Variants in MYT1L observed in about 807,000 individuals in gnomAD.
MYT1L encodes myelin transcription factor 1 like, also known as myelin transcription factor 1-like protein.
Under a neutral mutation model 126.7 loss-of-function variants are expected in MYT1L, and 12 were observed. The ratio of observed to expected loss-of-function variants is 0.09; its 90% CI spans 0.06 to 0.15. The LOEUF is 0.15. Ranked by LOEUF, MYT1L falls within the 10% of genes least tolerant of loss-of-function variation. The pLI, the probability that MYT1L is intolerant of heterozygous loss-of-function variation, is 1.00. For synonymous variants in MYT1L, 541 were observed against 604.2 expected (o/e 0.90, Z 1.53); for missense variants, 979 against 1,585.2 (o/e 0.62, Z 6.49).
chr2:2,152,988 G>A (rs1005057761), intron 3 of MYT1L, among the ~76,000 whole-genome samples: 3 of 152,122 alleles, frequency 2.0e-5, no homozygotes, highest in African/African-American at 7.2e-5. Flanking sequence ...TACAGATATT[G>A]ATGCCACTGA....
chr2:2,054,463 C>T (rs1417174221), intron 3 of MYT1L, among the ~76,000 whole-genome samples: 1 of 150,964 alleles, frequency 6.6e-6, no homozygotes, highest in East Asian at 2.0e-4. Flanking sequence ...ATCATAGAGA[C>T]GCATGGGGAT....
intron 2 of MYT1L, among the ~76,000 whole-genome samples, chr2:2,272,346 C>T (rs1165503309): frequency 6.6e-6 from 1 of 152,158 alleles, no homozygotes; most frequent in Non-Finnish European, 1.5e-5. Flanking sequence ...GGCAGGCTCT[C>T]CCTGGCCTCA....
At chr2:1,822,800 C>T (rs986781489) in intron 21 of MYT1L, among the ~76,000 whole-genome samples, 4 of 72,390 alleles carry the variant, frequency 5.5e-5, no homozygotes, top group African/African-American at 1.5e-4. Flanking sequence ...GAGCCACTGC[C>T]TCACCAGGGC....
intron 3 of MYT1L, among the ~76,000 whole-genome samples, chr2:2,149,096 T>C (rs977454964): frequency 2.0e-5 from 3 of 152,198 alleles, no homozygotes; most frequent in Admixed American, 6.5e-5. Context: ...CTTCTCTTTC[T>C]TTCCCTCCTT....
At chr2:1,956,546 T>TATC (rs1253751446) in intron 8 of MYT1L, among the ~76,000 whole-genome samples, 1 of 147,312 alleles carries the variant, frequency 6.8e-6, no homozygotes, top group African/African-American at 2.5e-5. Context: ...TCTATCTATC[T>TATC]ATCATCTATC....
intron 18 of MYT1L, among the ~76,000 whole-genome samples, chr2:1,865,224 A>G (rs958236242): frequency 2.0e-5 from 3 of 152,208 alleles, no homozygotes; most frequent in African/African-American, 2.4e-5. Flanking sequence ...CAAAGGTGGG[A>G]CCTGCACTGG....
At chr2:1,804,278 A>C (rs765830980) in intron 22 of MYT1L, among the ~76,000 whole-genome samples, 1 of 151,968 alleles carries the variant, frequency 6.6e-6, no homozygotes, top group Non-Finnish European at 1.5e-5. Context: ...CTGCCACTAC[A>C]CCCGGCTAAT....
intron 4 of MYT1L, among the ~76,000 whole-genome samples, chr2:2,003,548 G>GCTT (rs1365548229): frequency 3.9e-5 from 6 of 152,028 alleles, no homozygotes; most frequent in Non-Finnish European, 1.5e-5. Flanking sequence ...GCCTGCTGCT[G>GCTT]CTTCCTCCGG....
At chr2:2,062,892 T>C (rs947079467) in intron 3 of MYT1L, among the ~76,000 whole-genome samples, 2 of 145,222 alleles carry the variant, frequency 1.4e-5, no homozygotes, top group Non-Finnish European at 3.1e-5. Context: ...TCTCCCATCA[T>C]GTGACATATC....
At chr2:1,945,903 G>A (rs776718804) in intron 8 of MYT1L, among the ~76,000 whole-genome samples, 2 of 152,134 alleles carry the variant, frequency 1.3e-5, no homozygotes, top group African/African-American at 2.4e-5. Flanking sequence ...TTGCACTAGC[G>A]AAAGGGAAGA....
chr2:1,911,120 C>T (rs888830873), intron 12 of MYT1L, among the ~76,000 whole-genome samples: 1 of 152,160 alleles, frequency 6.6e-6, no homozygotes, highest in African/African-American at 2.4e-5. Flanking sequence ...GATGCTGCAT[C>T]GAACAGCACA....
At position 2,224,973 on chromosome 2, in the gene MYT1L, C is replaced by G. The variant is rs17247281; in HGVS notation, c.-420-51985G>C. Among the ~76,000 whole-genome samples, 3,689 of 152,104 alleles carry G rather than the reference C, an allele frequency of 0.024. 77 individuals are homozygous for G. The highest frequency in any genetic ancestry group is 0.038 in the Non-Finnish European group (2,616 of 68,002). Reference sequence around the variant, plus strand: ...CCACGCTGGGTTTGAGGTTCTGTCACCGTCTTGGAAACTTTAATATGCTTG... The same window carrying G: ...CCACGCTGGGTTTGAGGTTCTGTCAGCGTCTTGGAAACTTTAATATGCTTG... On this transcript the variant is annotated intron_variant, in intron 2 of 24. Coordinates refer to ENST00000647738, the MANE Select transcript of MYT1L (RefSeq NM_001303052.2). This position sits in a 1 kb window ranked among gnomAD's most constrained non-coding sequence, Gnocchi z 4.0.
At chr2:1,905,660 A>G (rs1451462610) in intron 13 of MYT1L, among the ~76,000 whole-genome samples, 2 of 152,232 alleles carry the variant, frequency 1.3e-5, no homozygotes, top group African/African-American at 2.4e-5. Context: ...GGAGGAAGAC[A>G]GTAATTTTTG....
intron 2 of MYT1L, among the ~76,000 whole-genome samples, chr2:2,268,790 C>T (rs2095197042): frequency 1.3e-5 from 2 of 152,104 alleles, no homozygotes; most frequent in South Asian, 4.2e-4. Flanking sequence ...AACATCCCTG[C>T]CTCGAAATCA....
At chr2:1,850,236 CTTCCTTCCTTCCTTCCCT>C (rs1299972091) in intron 19 of MYT1L, among the ~76,000 whole-genome samples, 18 of 70,546 alleles carry the variant, frequency 2.6e-4, no homozygotes, top group African/African-American at 1.3e-3. Context: ...TCCTTCCTTC[CTTCCTTCCTTCCTTCCCT>C]GTCTTTTCTC....
Position 1,816,304 on chromosome 2 carries a change from T to C in MYT1L, c.3081-7137A>G, listed in dbSNP as rs993265058. ...GAGCTACGCTGTATGGATTAGCGAA[T>C]GAAGCAGAAGCACTTGGGGAAACCG... On this transcript the variant is annotated intron_variant, in intron 21 of 24. Coordinates refer to ENST00000647738, the MANE Select transcript of MYT1L (RefSeq NM_001303052.2). 3.3e-5 allele frequency: 5 copies of C among 152,768 alleles called. No individual in the cohort carries two copies. In the South Asian group the frequency reaches 6.2e-4, roughly 19 times the overall value. 9.5% of individuals were successfully genotyped at this position (152,768 alleles called of 1,614,324 possible).
chr2:2,261,970 T>C (rs977977101), intron 2 of MYT1L, among the ~76,000 whole-genome samples: 1 of 152,204 alleles, frequency 6.6e-6, no homozygotes, highest in African/African-American at 2.4e-5. Context: ...AAAGGTAATA[T>C]TAAATTTAAA....
intron 21 of MYT1L, among the ~76,000 whole-genome samples, chr2:1,829,549 G>GCACCTGTGAACTGACCCTCCCATA (rs2039822986): frequency 9.7e-6 from 1 of 102,740 alleles, no homozygotes; most frequent in Non-Finnish European, 2.0e-5. Flanking sequence ...ACCCTCCCAT[G>GCACCTGTGAACTGACCCTCCCATA]CACCTGTGAA....
chr2:2,087,802 A>T (rs1196950136), intron 3 of MYT1L, among the ~76,000 whole-genome samples: 1 of 152,218 alleles, frequency 6.6e-6, no homozygotes, highest in Non-Finnish European at 1.5e-5. Flanking sequence ...GAAACAAAAG[A>T]CCATGACATT....
Sources: gnomAD v4.1 joint callset for allele counts (sites outside exome capture counted in the v4.1 genomes callset) on GRCh38, gnomAD v4.1.1 for gene constraint, Gnocchi (gnomAD v3.1) non-coding constraint, MANE v1.5 for transcripts, NCBI Gene and HGNC (gene_info 2026-07-23, HGNC 2026-07-21) for gene names.